The following GABRG1 variants were observed in gnomAD, a reference collection of about 807,000 sequenced individuals.
GABRG1 encodes the protein gamma-aminobutyric acid receptor subunit gamma-1.
In GABRG1, 49 loss-of-function variants were observed where a neutral mutation model predicts 49.8. The observed-to-expected ratio is 0.98, with a 90% CI of 0.78 to 1.25. The LOEUF (loss-of-function observed/expected upper bound fraction) is 1.25. Ranked by LOEUF, GABRG1 falls within the 50% of genes most tolerant of loss-of-function variation. The pLI is 0.00. For missense variants in GABRG1, 552 were observed against 552.3 expected, an observed-to-expected ratio of 1.00 and a Z score of 0.01; for synonymous variants, 232 against 185.1, an observed-to-expected ratio of 1.25 and a Z score of -2.06.
intron 1 of GABRG1, among the ~76,000 whole-genome samples, chr4:46,122,486 T>G (rs1721117326): frequency 6.6e-6 from 1 of 151,972 alleles, no homozygotes; most frequent in South Asian, 2.1e-4. Context: ...CATCCAGTAT[T>G]ATGTTTATGT....
At chr4:46,116,367 C>T (rs778664693) in intron 1 of GABRG1, among the ~76,000 whole-genome samples, 2 of 150,666 alleles carry the variant, frequency 1.3e-5, no homozygotes, top group Non-Finnish European at 3.0e-5. Flanking sequence ...TAGTGCCTGA[C>T]AGAACATAAG....
Position 46,065,648 on chromosome 4 carries a change from G to C in GABRG1, c.322-64C>G, listed in dbSNP as rs78810741. 14 of 793,114 alleles carry C rather than the reference G, an allele frequency of 1.8e-5. 1 individual carries two copies. The South Asian group carries it at 2.5e-4, about 14-fold the overall frequency. 49.1% of individuals were successfully genotyped at this position (793,114 alleles called of 1,614,324 possible). On this transcript the variant is annotated intron_variant, in intron 3 of 8. Transcript: ENST00000295452. ...ACTATTTTAGTTGTTTTTCTCGAAA[G>C]TTTGAATTTTTGTATTGTAAAGTTT...
In GABRG1 at chr4:46,123,067, T is replaced by TTCTCTC. The variant is rs139347395; in HGVS notation, c.104+737_104+742dup. On this transcript the variant is annotated intron_variant, in intron 1 of 8. Coordinates refer to ENST00000295452, the MANE Select transcript of GABRG1 (RefSeq NM_173536.4). ...TTGAAATTTGTGATCGGTGACACTTTTCTCTCTCTCTCTCTCTCTGTCCCA... is the reference window on the plus strand; with the variant it reads ...TTGAAATTTGTGATCGGTGACACTTTTCTCTCTCTCTCTCTCTCTCTCTCTGTCCCA... Among the ~76,000 whole-genome samples the TTCTCTC allele has an allele frequency of 4.2e-4, 60 of 144,050 alleles. 1 individual carries two copies. Among genetic ancestry groups the TTCTCTC allele is most frequent in the African/African-American group, 1.2e-3 (46 of 39,004 alleles). The allele number at this position is 144,050 out of a possible 152,430, so 94.5% of individuals were successfully genotyped here.
intron 5 of GABRG1, among the ~76,000 whole-genome samples, chr4:46,059,909 G>C (rs1050893337): frequency 6.6e-6 from 1 of 152,020 alleles, no homozygotes; most frequent in Non-Finnish European, 1.5e-5. Context: ...TTGAGGAACT[G>C]CTTGTTCAAT....
At chr4:46,095,893 G>A (rs1720149457) in intron 2 of GABRG1, among the ~76,000 whole-genome samples, 1 of 151,724 alleles carries the variant, frequency 6.6e-6, no homozygotes, top group South Asian at 2.1e-4. Context: ...TTTCACAGGG[G>A]TTTTCCTGTA....
At position 46,042,281 on chromosome 4, in the gene GABRG1, A is replaced by T. The variant is rs200990472; in HGVS notation, c.1132-1027T>A. Among the ~76,000 whole-genome samples, 11 of 151,988 alleles carry T rather than the reference A, an allele frequency of 7.2e-5. No homozygotes were observed. The East Asian group carries it at 7.7e-4, about 11-fold the overall frequency. ...TCATGCTAAGATAAACATACAAACA[A>T]TAATAATAGCAACAACAACAAAGTC... On this transcript the variant is annotated intron_variant, in intron 8 of 8. Coordinates refer to ENST00000295452, the MANE Select transcript of GABRG1 (RefSeq NM_173536.4).
intron 2 of GABRG1, among the ~76,000 whole-genome samples, chr4:46,091,697 G>A (rs534914429): frequency 6.6e-6 from 1 of 152,104 alleles, no homozygotes; most frequent in Admixed American, 6.6e-5. Context: ...GAGATGTAAT[G>A]ACATAGCAGA....
At chr4:46,077,957 C>G (rs549393084) in intron 3 of GABRG1, among the ~76,000 whole-genome samples, 2 of 151,382 alleles carry the variant, frequency 1.3e-5, no homozygotes, top group Non-Finnish European at 2.9e-5. Context: ...AAAGAAACAG[C>G]GATGAAAATG....
chr4:46,116,536 T>C (rs547411331), intron 1 of GABRG1, among the ~76,000 whole-genome samples: 85 of 150,810 alleles, frequency 5.6e-4, no homozygotes, highest in African/African-American at 2.0e-3. Flanking sequence ...TAAAAGACCT[T>C]AAAAGTGGAA....
intron 3 of GABRG1, among the ~76,000 whole-genome samples, chr4:46,072,736 T>C (rs1419894925): frequency 2.0e-5 from 3 of 152,082 alleles, no homozygotes; most frequent in East Asian, 3.9e-4. Flanking sequence ...CATAAGAGTA[T>C]TGAGTGATGT....
chr4:46,044,773 G>A (rs1286599051), intron 8 of GABRG1, among the ~76,000 whole-genome samples: 1 of 152,018 alleles, frequency 6.6e-6, no homozygotes, highest in Non-Finnish European at 1.5e-5. Flanking sequence ...TTTGAACTAT[G>A]GTTCACCTAC....
chr4:46,109,194 G>T (rs1198926202), intron 1 of GABRG1, among the ~76,000 whole-genome samples: 2 of 150,474 alleles, frequency 1.3e-5, no homozygotes, highest in African/African-American at 4.9e-5. Context: ...ATTCAATTTT[G>T]AAACTCAGTG....
chr4:46,090,997 G>A (rs1719970242), intron 2 of GABRG1, among the ~76,000 whole-genome samples: 1 of 139,944 alleles, frequency 7.1e-6, no homozygotes, highest in Non-Finnish European at 1.6e-5. Context: ...CACACACACG[G>A]AATTTAATCG....
At chr4:46,087,046 A>G (rs1478374032) in intron 2 of GABRG1, among the ~76,000 whole-genome samples, 1 of 151,698 alleles carries the variant, frequency 6.6e-6, no homozygotes, top group Non-Finnish European at 1.5e-5. Flanking sequence ...TGTTTTATTC[A>G]ACCGATACAT....
chr4:46,091,851 G>T (rs1720003450), intron 2 of GABRG1, among the ~76,000 whole-genome samples: 2 of 151,880 alleles, frequency 1.3e-5, no homozygotes, highest in Admixed American at 1.3e-4. Flanking sequence ...ATATAAATAT[G>T]AAAACAAAGC....
intron 5 of GABRG1, among the ~76,000 whole-genome samples, chr4:46,058,871 T>C (rs748115045): frequency 1.3e-5 from 2 of 151,990 alleles, no homozygotes; most frequent in African/African-American, 2.4e-5. Flanking sequence ...GAAAACCCAA[T>C]ATGTCCACCC....
At position 46,123,826 on chromosome 4, in the gene GABRG1, G is replaced by A; in HGVS notation, c.88C>T (p.Leu30=). The change falls in exon 1 of 9, where the codon CTG becomes TTG. Residue 30 remains leucine, a synonymous_variant. Coordinates refer to ENST00000295452, the MANE Select transcript of GABRG1 (RefSeq NM_173536.4). ...TTTACTCACCAGTTTCCCAAATGCA[G>A]GGTCAGTAACAAGAAGACCAACCTC... ...GVRLVFLLLT[L]HLGNCVDKAD... The A allele has an allele frequency of 2.5e-6, 4 of 1,613,200 alleles. No homozygotes were observed. The highest frequency in any genetic ancestry group is 2.2e-5 in the East Asian group (1 of 44,860).
intron 5 of GABRG1, among the ~76,000 whole-genome samples, chr4:46,063,621 C>A (rs994387150): frequency 7.2e-5 from 11 of 152,120 alleles, no homozygotes; most frequent in Admixed American, 3.9e-4. Context: ...TAGGCATGGG[C>A]AAGGACTTCA....
In GABRG1 at chr4:46,056,150, T is replaced by TAAAA. The variant is rs1491407033; in HGVS notation, c.916+2066_916+2067insTTTT. ...AAAAAAAAAAAAATAAATAAATAAA[T>TAAAA]TAAAAAAAAAAAAAAAAAAAAAAAA... On this transcript the variant is annotated intron_variant, in intron 7 of 8. Coordinates refer to ENST00000295452, the MANE Select transcript of GABRG1 (RefSeq NM_173536.4). Among the ~76,000 whole-genome samples the TAAAA allele has an allele frequency of 2.2e-3, 102 of 46,054 alleles. 6 individuals carry two copies. The highest frequency in any genetic ancestry group is 5.5e-3 in the South Asian group (4 of 726). The allele number at this position is 46,054 out of a possible 152,430, so 30.2% of individuals were successfully genotyped here.
Sources: gnomAD v4.1 joint callset for allele counts (sites outside exome capture counted in the v4.1 genomes callset) on GRCh38, gnomAD v4.1.1 for gene constraint, MANE v1.5 for transcripts, NCBI Gene and HGNC (gene_info 2026-07-23, HGNC 2026-07-21) for gene names.